The following TCN2 variants were observed in gnomAD, a reference collection of about 807,000 sequenced individuals.
TCN2 encodes the protein transcobalamin 2, also known as transcobalamin-2.
A neutral mutation model predicts 48.6 loss-of-function variants in TCN2; 34 were observed. That is an observed-to-expected ratio of 0.70 (90% CI 0.53 to 0.93). The LOEUF is 0.93. Among genes scored for constraint, TCN2 ranks in the 40% least tolerant of loss-of-function variants. The pLI, the probability that TCN2 is intolerant of heterozygous loss-of-function variation, is 0.00. For synonymous variants in TCN2, 283 were observed against 212.5 expected, an observed-to-expected ratio of 1.33 and a Z score of -2.89; for missense variants, 652 against 526.1, an observed-to-expected ratio of 1.24 and a Z score of -2.34.
intron 7 of TCN2, among the ~76,000 whole-genome samples, chr22:30,621,042 G>T (rs1326693201): frequency 6.6e-6 from 1 of 152,190 alleles, no homozygotes; most frequent in Non-Finnish European, 1.5e-5. Context: ...GCCCAGGCTG[G>T]AGTGCAGTGG....
intron 7 of TCN2, among the ~76,000 whole-genome samples, chr22:30,619,998 A>C (rs11703609): frequency 2.0e-5 from 3 of 152,128 alleles, no homozygotes; most frequent in Non-Finnish European, 2.9e-5. Flanking sequence ...CTTCAAAAAA[A>C]TTTTTTTAAT....
chr22:30,618,806 G>A (rs956869588), intron 7 of TCN2, among the ~76,000 whole-genome samples: 22 of 151,916 alleles, frequency 1.4e-4, no homozygotes, highest in African/African-American at 5.3e-4. Context: ...GTCTCCCTCT[G>A]TCGCCCAGAC....
At chr22:30,618,487 C>G (rs2009862) in intron 7 of TCN2, among the ~76,000 whole-genome samples, 2 of 151,830 alleles carry the variant, frequency 1.3e-5, no homozygotes, top group Admixed American at 6.6e-5. Context: ...GAGTAGCTGG[C>G]GCTACAGGCG....
At chr22:30,616,261 C>T (rs917624357) in intron 6 of TCN2, among the ~76,000 whole-genome samples, 6 of 152,044 alleles carry the variant, frequency 3.9e-5, no homozygotes, top group Non-Finnish European at 8.8e-5. Context: ...AGGCGGGTGG[C>T]TCACCTGAGG....
chr22:30,626,208 A>G (rs954313505), intron 8 of TCN2, among the ~76,000 whole-genome samples: 1 of 152,024 alleles, frequency 6.6e-6, no homozygotes, highest in African/African-American at 2.4e-5. Context: ...GATGGTCCCT[A>G]GGGTATTACA....
At chr22:30,621,270 G>A (rs532220723) in intron 7 of TCN2, among the ~76,000 whole-genome samples, 5 of 152,024 alleles carry the variant, frequency 3.3e-5, no homozygotes, top group African/African-American at 1.2e-4. Flanking sequence ...TGGGATTACA[G>A]ATGTGACCCA....
rs1310755156 is a variant in TCN2, at chr22:30,615,716, C to T, written c.869C>T (p.Ser290Phe). ...DGAFQNALMI[S>F]QLLPVLNHKT... The stretch of plus-strand genomic sequence containing the variant: ...GCCTTCCAGAATGCTCTCATGATTT[C>T]CCAGCTGCTGCCCGTTCTGAACCAC... Residue 290 changes from serine to phenylalanine, a missense_variant, in exon 6 of 9, where the codon TCC (serine) becomes TTC (phenylalanine). Coordinates refer to ENST00000215838, the MANE Select transcript of TCN2 (RefSeq NM_000355.4). 4 of 1,614,108 alleles carry T rather than the reference C, an allele frequency of 2.5e-6. No homozygotes were observed. The highest frequency in any genetic ancestry group is 2.5e-6 in the Non-Finnish European group (3 of 1,180,052).
chr22:30,618,045 AC>A, intron 7 of TCN2, among the ~76,000 whole-genome samples: 1 of 150,254 alleles, frequency 6.7e-6, no homozygotes, highest in Non-Finnish European at 1.5e-5. Flanking sequence ...GGATGAAGCA[AC>A]CCTACTGTCC....
intron 2 of TCN2, 124 bp from the exon 3 acceptor site, chr22:30,612,749 G>A: frequency 8.3e-7 from 1 of 1,207,206 alleles, no homozygotes; most frequent in Non-Finnish European, 1.2e-6. Context: ...TCCTTTTGGA[G>A]CTTTTATCAA....
At chr22:30,617,837 A>G (rs1215386548) in intron 7 of TCN2, 6 of 379,862 alleles carry the variant, frequency 1.6e-5, no homozygotes, top group East Asian at 6.0e-5. Flanking sequence ...GTTAGTACAC[A>G]TAGAGATAGT....
At chr22:30,622,371 A>C (rs2087711509) in intron 7 of TCN2, among the ~76,000 whole-genome samples, 1 of 152,224 alleles carries the variant, frequency 6.6e-6, no homozygotes, top group Admixed American at 6.5e-5. Flanking sequence ...CCAGAAGCTC[A>C]GGGAAGGGGG....
At chr22:30,609,125 G>C (rs918454653) in intron 1 of TCN2, among the ~76,000 whole-genome samples, 2 of 151,846 alleles carry the variant, frequency 1.3e-5, no homozygotes, top group African/African-American at 4.8e-5. Context: ...CTAATGCAAA[G>C]TGGGCTCCTG....
At chr22:30,622,877 G>GAAGGGATTTTGCTGCTGTGGGTGAGC in intron 7 of TCN2, 91 bp from the exon 8 acceptor site, 1 of 1,352,642 alleles carries the variant, frequency 7.4e-7, no homozygotes, top group East Asian at 2.3e-5. Flanking sequence ...AAAGAGCTTG[G>GAAGGGATTTTGCTGCTGTGGGTGAGC]AAGGGATTTT....
chr22:30,613,852 C>T (rs11913239), intron 3 of TCN2, among the ~76,000 whole-genome samples: 18,433 of 152,168 alleles, frequency 0.12, 2,364 homozygotes, highest in African/African-American at 0.31. Flanking sequence ...CATTCTCTGC[C>T]TCCCACACAC....
intron 5 of TCN2, 23 bp from the exon 6 acceptor site, chr22:30,615,578 T>A (rs2087600909): frequency 1.2e-6 from 2 of 1,614,002 alleles, no homozygotes. Flanking sequence ...ACTTCCTCTC[T>A]CTCTTCCTCA....
At chr22:30,620,634 G>A (rs1033433254) in intron 7 of TCN2, among the ~76,000 whole-genome samples, 4 of 152,246 alleles carry the variant, frequency 2.6e-5, no homozygotes, top group African/African-American at 9.6e-5. Context: ...AGATTACCCA[G>A]AACCAGCTGG....
chr22:30,623,099 A>T lies in TCN2; in HGVS notation c.1222+16A>T. The T allele has an allele frequency of 6.2e-7, 1 of 1,613,220 alleles. No individual in the cohort carries two copies. Among genetic ancestry groups the T allele is most frequent in the Non-Finnish European group, 8.5e-7 (1 of 1,179,482 alleles). On this transcript the variant is annotated intron_variant, in intron 8 of 8. Transcript: ENST00000215838. ...CTGTTGCAAGGTGAGTCATGGCCTG[A>T]CACTCTGGATGTGTCCCCTACCCCA...
Position 30,626,768 on chromosome 22 carries a change from A to G in TCN2, c.*247A>G. 1 of 592,280 alleles carries G rather than the reference A, an allele frequency of 1.7e-6. No individual in the cohort carries two copies. Among genetic ancestry groups the G allele is most frequent in the South Asian group, 2.0e-5 (1 of 50,974 alleles). The allele number at this position is 592,280 out of a possible 1,614,324, so 36.7% of individuals were successfully genotyped here. On this transcript the variant is annotated 3_prime_UTR_variant, in exon 9 of 9. Coordinates refer to ENST00000215838, the MANE Select transcript of TCN2 (RefSeq NM_000355.4). Reference sequence around the variant, plus strand: ...CCAAGTCTGGCCAGCCTGGCCCTGCAGGTCTCCCATGAAGGCCACCCCATG... The same window carrying G: ...CCAAGTCTGGCCAGCCTGGCCCTGCGGGTCTCCCATGAAGGCCACCCCATG...
intron 2 of TCN2, among the ~76,000 whole-genome samples, chr22:30,612,139 G>A (rs896237118): frequency 5.3e-5 from 8 of 152,104 alleles, no homozygotes; most frequent in South Asian, 4.1e-4. Context: ...CCACTTCTCC[G>A]GAGGCAAAGG....
Sources: allele counts gnomAD v4.1 joint callset (sites outside exome capture counted in the v4.1 genomes callset), GRCh38; gene constraint gnomAD v4.1.1; transcripts MANE v1.5; gene names NCBI Gene and HGNC (gene_info 2026-07-23, HGNC 2026-07-21).